The following ENDOD1 variants were observed in gnomAD, a reference collection of about 807,000 sequenced individuals.
ENDOD1 encodes the protein endonuclease domain containing 1, also known as endonuclease domain-containing 1 protein.
In ENDOD1, 9 loss-of-function variants were observed where a neutral mutation model predicts 6.5. The observed-to-expected ratio is 1.39, with a 90% CI of 0.84 to 2.43. The LOEUF is 2.43. Ranked by LOEUF, ENDOD1 falls within the 30% of genes most tolerant of loss-of-function variation. ENDOD1 has a pLI of 0.00. For synonymous variants in ENDOD1, 255 were observed against 255.2 expected, an observed-to-expected ratio of 1.00 and a Z score of 0.01; for missense variants, 648 against 635.5, an observed-to-expected ratio of 1.02 and a Z score of -0.21.
chr11:95,102,562 C>G (rs1859050946), intron 1 of ENDOD1, among the ~76,000 whole-genome samples: 1 of 152,082 alleles, frequency 6.6e-6, no homozygotes, highest in Non-Finnish European at 1.5e-5. Context: ...ATCCCAGCTA[C>G]TTGGGAGGCT....
chr11:95,119,107 A>G (rs899709120), intron 1 of ENDOD1, among the ~76,000 whole-genome samples: 4 of 152,136 alleles, frequency 2.6e-5, no homozygotes, highest in African/African-American at 7.2e-5. Flanking sequence ...TCCTCAGCAC[A>G]TCTATTTTGA....
chr11:95,125,949 G>T (rs1263571435), intron 1 of ENDOD1, among the ~76,000 whole-genome samples: 2 of 152,080 alleles, frequency 1.3e-5, no homozygotes, highest in Non-Finnish European at 2.9e-5. Flanking sequence ...AATCCTTTGG[G>T]TATATACCTA....
rs768248122 is a variant in ENDOD1 at position 95,128,722 on chromosome 11, C to G, written c.646C>G (p.Pro216Ala). Residue 216 changes from proline (P) to alanine (A), a missense_variant, in exon 2 of 2, where the codon CCT (proline) becomes GCT (alanine). By Grantham distance (27) the Pro-to-Ala change is conservative (BLOSUM62 -1). Transcript: ENST00000278505. ...DYRVKDKVAV[P>A]EFVWLAACCA... ...CAGAGTTAAAGACAAAGTGGCAGTC[C>G]CTGAGTTTGTTTGGCTGGCAGCCTG... 4.8e-5 allele frequency: 78 copies of G among 1,613,990 alleles called. No individual in the cohort carries two copies. The Middle Eastern group carries it at 1.5e-3, about 31-fold the overall frequency.
chr11:95,091,474 T>C (rs754905486), intron 1 of ENDOD1, among the ~76,000 whole-genome samples: 88 of 152,338 alleles, frequency 5.8e-4, no homozygotes, highest in Non-Finnish European at 1.1e-3. Flanking sequence ...ACGTTGTCAG[T>C]TGCACACACA....
chr11:95,113,331 T>C (rs1309681865), intron 1 of ENDOD1, among the ~76,000 whole-genome samples: 2 of 152,158 alleles, frequency 1.3e-5, no homozygotes, highest in Non-Finnish European at 2.9e-5. Flanking sequence ...ATACTGGGTC[T>C]TATTTATTAT....
chr11:95,116,105 A>C (rs1555112465), intron 1 of ENDOD1, among the ~76,000 whole-genome samples: 4 of 152,138 alleles, frequency 2.6e-5, no homozygotes, highest in African/African-American at 7.2e-5. Context: ...TCAGCAGTGA[A>C]GTCATTAAGT....
Position 95,128,569 on chromosome 11 carries a change from C to T in ENDOD1, c.493C>T (p.Pro165Ser), listed in dbSNP as rs1431727685. The T allele has an allele frequency of 1.2e-6, 2 of 1,614,106 alleles. No individual in the cohort carries two copies. Among genetic ancestry groups the T allele is most frequent in the Non-Finnish European group, 1.7e-6 (2 of 1,180,050 alleles). Reference protein sequence around the residue: ...VATFTLTNSAPMTQSFQERWY... With the variant: ...VATFTLTNSASMTQSFQERWY... The stretch of plus-strand genomic sequence containing the variant: ...CACATTTACTCTCACAAATTCAGCC[C>T]CAATGACTCAGTCCTTCCAGGAACG... The change falls in exon 2 of 2, where the codon CCA (proline) becomes TCA (serine). Residue 165 changes from proline (P) to serine (S), a missense_variant. Transcript: ENST00000278505.
At chr11:95,125,725 A>G (rs1859305612) in intron 1 of ENDOD1, among the ~76,000 whole-genome samples, 1 of 151,788 alleles carries the variant, frequency 6.6e-6, no homozygotes, top group South Asian at 2.1e-4. Context: ...TAGTTTGCTG[A>G]GAATGATGGT....
chr11:95,129,502 G>A lies in ENDOD1; in HGVS notation c.1426G>A (p.Gly476Ser). ...TGACACTGCTTTTGGTACCCTGGGT[G>A]GCCTATTTCAGGTGGTTTTTAGTGT... Reference protein sequence around the residue: ...LFDTAFGTLGGLFQVVFSVCK... With the variant: ...LFDTAFGTLGSLFQVVFSVCK... Residue 476 changes from glycine (G) to serine (S), a missense_variant, in exon 2 of 2, where the codon GGC (glycine) becomes AGC (serine). Transcript: ENST00000278505. The A allele has an allele frequency of 6.2e-7, 1 of 1,614,144 alleles. No individual in the cohort carries two copies. The highest frequency in any genetic ancestry group is 8.5e-7 in the Non-Finnish European group (1 of 1,180,018).
At chr11:95,105,460 G>A (rs1859080588) in intron 1 of ENDOD1, among the ~76,000 whole-genome samples, 1 of 152,096 alleles carries the variant, frequency 6.6e-6, no homozygotes, top group African/African-American at 2.4e-5. Flanking sequence ...GGGTGCATGT[G>A]CAGGATGTGT....
chr11:95,100,406 G>A (rs1453870221), intron 1 of ENDOD1, among the ~76,000 whole-genome samples: 4 of 152,112 alleles, frequency 2.6e-5, no homozygotes, highest in African/African-American at 9.7e-5. Context: ...TGCATAATCT[G>A]TGTCCCTTCC....
At chr11:95,117,105 G>C (rs924340996) in intron 1 of ENDOD1, among the ~76,000 whole-genome samples, 1 of 152,172 alleles carries the variant, frequency 6.6e-6, no homozygotes, top group Non-Finnish European at 1.5e-5. Flanking sequence ...TCTCTCTTTA[G>C]CTCTAATAAT....
At chr11:95,117,480 T>A (rs1479613794) in intron 1 of ENDOD1, among the ~76,000 whole-genome samples, 1 of 152,234 alleles carries the variant, frequency 6.6e-6, no homozygotes, top group East Asian at 1.9e-4. Context: ...AATTTTTATA[T>A]CCTCTTGCTG....
chr11:95,095,043 G>GCACA lies in ENDOD1; in HGVS notation c.300+4841_300+4844dup, dbSNP rs56010766. 4.6e-3 allele frequency among the ~76,000 whole-genome samples: 676 copies of GCACA among 147,994 alleles called. 4 individuals are homozygous for GCACA. The highest frequency in any genetic ancestry group is 0.013 in the African/African-American group (524 of 41,028). ...TTCAGTAGGTGCTAGGCGTGTGCAC[G>GCACA]CACACACACACACACACACACACAC... is the stretch of plus-strand genomic sequence containing the variant. On this transcript the variant is annotated intron_variant, in intron 1 of 1. Transcript: ENST00000278505.
intron 1 of ENDOD1, among the ~76,000 whole-genome samples, chr11:95,103,150 G>A (rs1203081337): frequency 6.6e-6 from 1 of 150,456 alleles, no homozygotes; most frequent in Non-Finnish European, 1.5e-5. Context: ...TCCTCTCAGT[G>A]AGTCTAACCA....
At chr11:95,108,643 C>T (rs1199225525) in intron 1 of ENDOD1, among the ~76,000 whole-genome samples, 1 of 151,292 alleles carries the variant, frequency 6.6e-6, no homozygotes, top group Admixed American at 6.6e-5. Flanking sequence ...ATTTTTTTTT[C>T]CTGAAATGGG....
intron 1 of ENDOD1, among the ~76,000 whole-genome samples, chr11:95,094,239 C>T (rs1858959506): frequency 6.6e-6 from 1 of 151,450 alleles, no homozygotes; most frequent in Non-Finnish European, 1.5e-5. Context: ...ATATTATCTT[C>T]ATTGTAGAAA....
chr11:95,107,814 C>A (rs1796178033), intron 1 of ENDOD1, among the ~76,000 whole-genome samples: 1 of 152,166 alleles, frequency 6.6e-6, no homozygotes, highest in African/African-American at 2.4e-5. Flanking sequence ...GCGCGCGCCA[C>A]TCCGCCCGGC....
chr11:95,107,550 A>G (rs1859101549), intron 1 of ENDOD1, among the ~76,000 whole-genome samples: 1 of 152,208 alleles, frequency 6.6e-6, no homozygotes, highest in South Asian at 2.1e-4. Flanking sequence ...AAAGGATAGC[A>G]GAGTGGAAAA....
Sources: gnomAD v4.1 joint callset for allele counts (sites outside exome capture counted in the v4.1 genomes callset) on GRCh38, gnomAD v4.1.1 for gene constraint, MANE v1.5 for transcripts, NCBI Gene and HGNC (gene_info 2026-07-23, HGNC 2026-07-21) for gene names.